Variants in NFYC observed in about 807,000 individuals in gnomAD.
The protein encoded by NFYC is CAAT box DNA-binding protein subunit C.
A neutral mutation model predicts 53.1 loss-of-function variants in NFYC; 25 were observed. That is an observed-to-expected ratio of 0.47 (90% CI 0.34 to 0.66). NFYC has a LOEUF of 0.66. Ranked by LOEUF, NFYC falls within the 30% of genes least tolerant of loss-of-function variation. The pLI, the probability that NFYC is intolerant of heterozygous loss-of-function variation, is 0.01. For missense variants in NFYC, 260 were observed against 422.7 expected, an observed-to-expected ratio of 0.62 and a Z score of 3.38; for synonymous variants, 145 against 152.6, an observed-to-expected ratio of 0.95 and a Z score of 0.37.
chr1:40,714,172 C>A (rs1011311372), intron 1 of NFYC, among the ~76,000 whole-genome samples: 10 of 152,062 alleles, frequency 6.6e-5, no homozygotes, highest in Admixed American at 2.6e-4. Context: ...AGCTAATTCC[C>A]AAAAAAGTTT....
intron 1 of NFYC, among the ~76,000 whole-genome samples, chr1:40,718,084 T>C (rs1464019510): frequency 6.6e-6 from 1 of 152,266 alleles, no homozygotes; most frequent in African/African-American, 2.4e-5. Flanking sequence ...ACCTCATTAT[T>C]TATAATCTAA....
intron 6 of NFYC, among the ~76,000 whole-genome samples, chr1:40,761,188 T>G (rs1646526170): frequency 6.6e-6 from 1 of 152,240 alleles, no homozygotes; most frequent in Non-Finnish European, 1.5e-5. Context: ...GTTGGCAGCA[T>G]GCATTTCTTT....
intron 1 of NFYC, among the ~76,000 whole-genome samples, chr1:40,716,107 T>C (rs999582673): frequency 5.9e-5 from 9 of 152,370 alleles, no homozygotes; most frequent in Non-Finnish European, 1.3e-4. Context: ...TTGGATGCTT[T>C]TTACACTTCC....
intron 7 of NFYC, among the ~76,000 whole-genome samples, chr1:40,764,952 TC>T (rs1405789190): frequency 6.6e-6 from 1 of 152,142 alleles, no homozygotes; most frequent in Non-Finnish European, 1.5e-5. Flanking sequence ...AAAGAGCTCT[TC>T]CCAGCTAGAA....
At chr1:40,747,161 T>C (rs1645648216) in intron 2 of NFYC, among the ~76,000 whole-genome samples, 1 of 151,410 alleles carries the variant, frequency 6.6e-6, no homozygotes, top group Non-Finnish European at 1.5e-5. Flanking sequence ...AGAAATCTCA[T>C]TTTAATCTGC....
chr1:40,764,889 A>T (rs1557931174), intron 7 of NFYC, among the ~76,000 whole-genome samples: 1 of 152,216 alleles, frequency 6.6e-6, no homozygotes, highest in Non-Finnish European at 1.5e-5. Flanking sequence ...TTTGTTGAAG[A>T]GCTGCTTGGA....
At chr1:40,712,222 C>T (rs909118923) in intron 1 of NFYC, among the ~76,000 whole-genome samples, 6 of 152,136 alleles carry the variant, frequency 3.9e-5, no homozygotes, top group Non-Finnish European at 5.9e-5. Context: ...ACTGCCTTCA[C>T]CTGCATATTC....
At chr1:40,705,115 T>G (rs979681920) in intron 1 of NFYC, among the ~76,000 whole-genome samples, 6 of 152,270 alleles carry the variant, frequency 3.9e-5, no homozygotes, top group Non-Finnish European at 5.9e-5. Flanking sequence ...CATGGTGATA[T>G]CTATACATTA....
intron 1 of NFYC, among the ~76,000 whole-genome samples, chr1:40,692,690 A>G (rs1642896284): frequency 6.6e-6 from 1 of 152,158 alleles, no homozygotes; most frequent in Non-Finnish European, 1.5e-5. Flanking sequence ...CCTGGAGTCC[A>G]GAGTCAACGG....
intron 1 of NFYC, among the ~76,000 whole-genome samples, chr1:40,713,874 G>T (rs1644026754): frequency 6.6e-6 from 1 of 152,226 alleles, no homozygotes. Context: ...GAGAAAATGT[G>T]CCATGGAAGA....
At chr1:40,743,964 G>A (rs1645481260) in intron 2 of NFYC, among the ~76,000 whole-genome samples, 2 of 152,094 alleles carry the variant, frequency 1.3e-5, no homozygotes, top group African/African-American at 4.8e-5. Context: ...AGTCACAAGG[G>A]GAGTTTTCAA....
intron 1 of NFYC, among the ~76,000 whole-genome samples, chr1:40,719,649 A>G: frequency 6.6e-6 from 1 of 152,212 alleles, no homozygotes; most frequent in East Asian, 1.9e-4. Flanking sequence ...TTTTTGGAGT[A>G]CTTTTTTCAG....
At chr1:40,710,987 C>G (rs1643910791) in intron 1 of NFYC, among the ~76,000 whole-genome samples, 1 of 152,150 alleles carries the variant, frequency 6.6e-6, no homozygotes, top group Non-Finnish European at 1.5e-5. Context: ...GTTATAGATT[C>G]AGATTAGGAA....
At chr1:40,730,847 A>G (rs1644737092) in intron 1 of NFYC, among the ~76,000 whole-genome samples, 1 of 152,228 alleles carries the variant, frequency 6.6e-6, no homozygotes, top group Admixed American at 6.5e-5. Context: ...AGGATGGTTC[A>G]ACTAGTAGTA....
At chr1:40,714,478 T>C (rs1357908664) in intron 1 of NFYC, among the ~76,000 whole-genome samples, 1 of 152,240 alleles carries the variant, frequency 6.6e-6, no homozygotes, top group Non-Finnish European at 1.5e-5. Flanking sequence ...AGACAAAAGT[T>C]ATAGTCCATT....
chr1:40,712,752 C>T (rs1264122863), intron 1 of NFYC: 12 of 141,604 alleles, frequency 8.5e-5, no homozygotes, highest in Non-Finnish European at 1.5e-4. Context: ...GATCATGACT[C>T]ACTGCAGCCT....
At chr1:40,764,220 A>C (rs544125692) in intron 7 of NFYC, among the ~76,000 whole-genome samples, 1 of 152,348 alleles carries the variant, frequency 6.6e-6, no homozygotes, top group East Asian at 1.9e-4. Flanking sequence ...TTTTTGTCAT[A>C]AATGAAACGT....
intron 2 of NFYC, 66 bp downstream of exon 2, chr1:40,739,014 C>T (rs932614340): frequency 8.8e-7 from 1 of 1,142,030 alleles, no homozygotes; most frequent in Non-Finnish European, 1.3e-6. Flanking sequence ...GGGAAATTAA[C>T]CAAAACTCAG....
chr1:40,755,462 C>T (rs1224234282), intron 5 of NFYC, among the ~76,000 whole-genome samples: 3 of 152,188 alleles, frequency 2.0e-5, no homozygotes, highest in Non-Finnish European at 2.9e-5. Flanking sequence ...TTGAGAGTTT[C>T]GCTTGTTCTT....
Sources: gnomAD v4.1 joint callset for allele counts (sites outside exome capture counted in the v4.1 genomes callset) on GRCh38, gnomAD v4.1.1 for gene constraint, MANE v1.5 for transcripts, NCBI Gene and HGNC (gene_info 2026-07-23, HGNC 2026-07-21) for gene names.